The following DPP6 variants were observed in gnomAD, a reference collection of about 807,000 sequenced individuals.
DPP6 encodes the protein A-type potassium channel modulatory protein DPP6.
In DPP6, 69 loss-of-function variants were observed where a neutral mutation model predicts 122.6. The ratio of observed to expected loss-of-function variants is 0.56; its 90% CI spans 0.46 to 0.69. The LOEUF (loss-of-function observed/expected upper bound fraction) is 0.69, where lower values mean the gene tolerates loss of function less well. DPP6 is among the 30% of genes least tolerant of loss of function. The probability of loss-of-function intolerance (pLI) is 0.00; values close to 1 mark genes in which losing one functional copy is unlikely to be tolerated. For missense variants in DPP6, 928 were observed against 1,116.9 expected (o/e 0.83, Z 2.41); for synonymous variants, 418 against 433.1 (o/e 0.97, Z 0.43).
chr7:153,887,794 T>TGG, intron 1 of DPP6: 2 of 1,586,350 alleles, frequency 1.3e-6, no homozygotes, highest in South Asian at 2.3e-5. Context: ...GGAGCGATGC[T>TGG]GGGGGAGGTC....
chr7:154,890,449 G>A (rs1429109736), intron 25 of DPP6: 1 of 152,292 alleles, frequency 6.6e-6, no homozygotes, highest in African/African-American at 2.4e-5. Context: ...CACCACACTT[G>A]AGTTCCCTTG....
intron 1 of DPP6, among the ~76,000 whole-genome samples, chr7:154,324,928 T>G (rs923768139): frequency 1.4e-5 from 2 of 139,974 alleles, no homozygotes; most frequent in African/African-American, 5.2e-5. Flanking sequence ...TGGCACCATC[T>G]TGGCTCACTG....
intron 8 of DPP6, among the ~76,000 whole-genome samples, chr7:154,741,105 G>C (rs952802134): frequency 2.8e-4 from 43 of 152,348 alleles, no homozygotes; most frequent in African/African-American, 1.0e-3. Flanking sequence ...CAGAGTGGAA[G>C]AGGATGCGAG....
chr7:153,846,923 G>T, the DPP6 span, among the ~76,000 whole-genome samples: 11 of 151,922 alleles, frequency 7.2e-5, no homozygotes, highest in South Asian at 2.3e-3. Flanking sequence ...GGCTACCCTC[G>T]TGATCCGCCC....
At chr7:154,119,010 C>T (rs1252553870) in intron 1 of DPP6, among the ~76,000 whole-genome samples, 1 of 152,004 alleles carries the variant, frequency 6.6e-6, no homozygotes, top group Non-Finnish European at 1.5e-5. Context: ...TACATCATCT[C>T]AGGTGATACA....
intron 1 of DPP6, among the ~76,000 whole-genome samples, chr7:154,141,307 A>C (rs1221168737): frequency 1.3e-5 from 2 of 152,198 alleles, no homozygotes; most frequent in African/African-American, 4.8e-5. Context: ...TTGTTGCAAA[A>C]ACACCATATG....
At chr7:154,052,078 T>G (rs559487404), upstream of DPP6, among the ~76,000 whole-genome samples, 239 of 149,788 alleles carry the variant, frequency 1.6e-3, no homozygotes, top group African/African-American at 5.6e-3. This position sits in a 1 kb window ranked among gnomAD's most constrained non-coding sequence, Gnocchi z 4.8. Context: ...TGCCTCGACC[T>G]CCGCATCCCC....
At chr7:154,876,539 G>A (rs1804876229) in intron 20 of DPP6, among the ~76,000 whole-genome samples, 1 of 152,200 alleles carries the variant, frequency 6.6e-6, no homozygotes, top group Non-Finnish European at 1.5e-5. Context: ...ACTGAGAGCA[G>A]GACCTCCATG....
At chr7:153,975,318 C>G (rs1283716924) in intron 1 of DPP6, among the ~76,000 whole-genome samples, 1 of 151,562 alleles carries the variant, frequency 6.6e-6, no homozygotes, top group African/African-American at 2.4e-5. Context: ...GGGGATAGAT[C>G]GTTAGAAACA....
intron 1 of DPP6, among the ~76,000 whole-genome samples, chr7:154,239,913 A>G (rs1801469142): frequency 6.8e-6 from 1 of 147,332 alleles, no homozygotes; most frequent in African/African-American, 2.5e-5. Flanking sequence ...AATCACTTGA[A>G]CCCAGGAGGC....
intron 3 of DPP6, among the ~76,000 whole-genome samples, chr7:154,520,317 G>T (rs1172234545): frequency 2.0e-5 from 3 of 152,176 alleles, no homozygotes; most frequent in Non-Finnish European, 2.9e-5. Flanking sequence ...ATCACCTAAA[G>T]GAACAAAATG....
At chr7:154,733,369 G>A (rs1842428542) in intron 8 of DPP6, among the ~76,000 whole-genome samples, 1 of 152,242 alleles carries the variant, frequency 6.6e-6, no homozygotes, top group African/African-American at 2.4e-5. Context: ...CCAAACCCTG[G>A]TGGTGTGACC....
intron 8 of DPP6, among the ~76,000 whole-genome samples, chr7:154,740,680 C>T (rs1439415673): frequency 6.6e-6 from 1 of 152,168 alleles, no homozygotes; most frequent in East Asian, 1.9e-4. Flanking sequence ...AAATAGTTAA[C>T]AATTCTCGGT....
chr7:153,780,090 T>C, the DPP6 span, among the ~76,000 whole-genome samples: 144 of 151,406 alleles, frequency 9.5e-4, no homozygotes, highest in African/African-American at 3.4e-3. Context: ...AGCATAAAAT[T>C]GGTTATAATT....
intron 1 of DPP6, among the ~76,000 whole-genome samples, chr7:154,426,281 T>C (rs940675627): frequency 6.6e-6 from 1 of 152,206 alleles, no homozygotes; most frequent in African/African-American, 2.4e-5. Context: ...TGGCTTTTTA[T>C]TGTAGTATTG....
the DPP6 span, among the ~76,000 whole-genome samples, chr7:153,784,887 T>C: frequency 6.6e-6 from 1 of 152,200 alleles, no homozygotes; most frequent in Non-Finnish European, 1.5e-5. Context: ...AGACCAAAAT[T>C]GAAGACTGAA....
At chr7:154,794,016 T>C (rs1353283544) in intron 10 of DPP6, 63 bp from the exon 11 acceptor site, 28 of 1,568,258 alleles carry the variant, frequency 1.8e-5, no homozygotes, top group Non-Finnish European at 2.4e-5. Context: ...GGGTCGGCGG[T>C]CCCCTGGCTT....
chr7:154,472,975 C>A (rs1586379345), intron 2 of DPP6, among the ~76,000 whole-genome samples: 1 of 152,218 alleles, frequency 6.6e-6, no homozygotes, highest in East Asian at 1.9e-4. Flanking sequence ...GAATACATTG[C>A]CTTTTCATCT....
chr7:154,463,195 CTTTTTTTTT>C (rs368362408), intron 2 of DPP6, among the ~76,000 whole-genome samples: 20 of 84,130 alleles, frequency 2.4e-4, no homozygotes, highest in Middle Eastern at 8.9e-3. Flanking sequence ...TTCTCCTTTT[CTTTTTTTTT>C]TTTTTTTTTT....
Sources: gnomAD v4.1 joint callset for allele counts (sites outside exome capture counted in the v4.1 genomes callset) on GRCh38, gnomAD v4.1.1 for gene constraint, Gnocchi (gnomAD v3.1) non-coding constraint, MANE v1.5 for transcripts, NCBI Gene and HGNC (gene_info 2026-07-23, HGNC 2026-07-21) for gene names.